ATP5F1A: variants seen among roughly 807,000 people sequenced by gnomAD.
ATP5F1A encodes the protein ATP synthase F(1) complex subunit alpha, mitochondrial.
Under a neutral mutation model 57.4 loss-of-function variants are expected in ATP5F1A, and 24 were observed. The ratio of observed to expected loss-of-function variants is 0.42; its 90% CI spans 0.30 to 0.59. The LOEUF is 0.59. Among genes scored for constraint, ATP5F1A ranks in the 20% least tolerant of loss-of-function variants. The pLI, the probability that ATP5F1A is intolerant of heterozygous loss-of-function variation, is 0.19. For synonymous variants in ATP5F1A, 251 were observed against 255.5 expected (o/e 0.98, Z 0.17); for missense variants, 494 against 707.9 (o/e 0.70, Z 3.43).
upstream of ATP5F1A, among the ~76,000 whole-genome samples, chr18:46,100,119 C>T (rs1188388599): frequency 6.6e-6 from 1 of 151,686 alleles, no homozygotes; most frequent in Admixed American, 6.6e-5. Context: ...GGCATGGGGG[C>T]GGGCACCTGT....
Position 46,081,744 on chromosome 18 carries a change from A to T in ATP5F1A, c.*2538T>A, listed in dbSNP as rs1909768111. On this transcript the variant is annotated 3_prime_UTR_variant, in exon 12 of 12. Transcript: ENST00000398752. ...ACTAAAAGTAACTTCCTTATTTCAG[A>T]AAAGGAAAATCAGATCTAGAAGTTA... is the stretch of plus-strand genomic sequence containing the variant. 1 of 151,716 alleles carries T rather than the reference A, an allele frequency of 6.6e-6. No homozygotes were observed. The highest frequency in any genetic ancestry group is 1.5e-5 in the Non-Finnish European group (1 of 67,966). The allele number at this position is 151,716 out of a possible 1,614,324, so 9.4% of individuals were successfully genotyped here.
chr18:46,095,440 G>A (rs1459617756), intron 1 of ATP5F1A, among the ~76,000 whole-genome samples: 2 of 151,644 alleles, frequency 1.3e-5, no homozygotes, highest in Admixed American at 6.6e-5. Context: ...TCAGCCTCCC[G>A]AGTAGCTGGG....
chr18:46,089,583 A>T lies in ATP5F1A; in HGVS notation c.633T>A (p.Ile211=). The part of the protein sequence containing the change: ...PIGRGQRELI[I]GDRQTGKTSI... ...GTCTTTACCCAGTCTGTCGGTCACC[A>T]ATAATCAGTTCACGCTGACCACGAC... Residue 211 remains isoleucine, a synonymous_variant, in exon 5 of 12, where the codon ATT becomes ATA. Coordinates refer to ENST00000398752, the MANE Select transcript of ATP5F1A (RefSeq NM_004046.6). 6.2e-7 allele frequency: 1 copy of T among 1,614,076 alleles called. No homozygotes were observed. The highest frequency in any genetic ancestry group is 8.5e-7 in the Non-Finnish European group (1 of 1,179,952).
upstream of ATP5F1A, chr18:46,099,432 ACTTTT>A (rs545762149): frequency 1.3e-5 from 2 of 151,046 alleles, no homozygotes; most frequent in Admixed American, 1.3e-4. Flanking sequence ...CGTTGCCTTC[ACTTTT>A]CTTTTTTTTT....
intron 1 of ATP5F1A, 55 bp downstream of exon 1, chr18:46,098,117 C>CA (rs1230555374): frequency 1.3e-6 from 2 of 1,559,974 alleles, no homozygotes; most frequent in Admixed American, 3.8e-5. Context: ...GCCGGCGCAC[C>CA]ACCACCCTGC....
chr18:46,088,025 T>C lies in ATP5F1A; in HGVS notation c.799+84A>G, dbSNP rs1422792198. On this transcript the variant is annotated intron_variant, in intron 6 of 11. Transcript: ENST00000398752. ...AGCCCATTAGGAAGTAATTAAAATA[T>C]GCCTTCATTAAGTAGAAGCTATTCT... 8.9e-6 allele frequency: 13 copies of C among 1,461,624 alleles called. No homozygotes were observed. The African/African-American group carries it at 1.0e-4, about 11-fold the overall frequency. The allele number at this position is 1,461,624 out of a possible 1,614,324, so 90.5% of individuals were successfully genotyped here.
At chr18:46,090,685 A>G (rs184076259) in intron 3 of ATP5F1A, among the ~76,000 whole-genome samples, 6 of 152,210 alleles carry the variant, frequency 3.9e-5, no homozygotes, top group Non-Finnish European at 5.9e-5. Context: ...ACTTTAACCT[A>G]CATCTCTGAT....
chr18:46,102,099 G>A (rs1381795105), upstream of ATP5F1A, among the ~76,000 whole-genome samples: 3 of 151,422 alleles, frequency 2.0e-5, no homozygotes, highest in South Asian at 6.3e-4. Flanking sequence ...GCGTGAACCC[G>A]GGAGGCGGAG....
intron 2 of ATP5F1A, chr18:46,093,043 G>A (rs545066382): frequency 1.3e-5 from 2 of 152,220 alleles, no homozygotes; most frequent in African/African-American, 4.8e-5. Flanking sequence ...CAGCTACTTG[G>A]GTGGCTGAGG....
chr18:46,097,969 G>T, intron 1 of ATP5F1A: 1 of 1,403,922 alleles, frequency 7.1e-7, no homozygotes, highest in South Asian at 1.6e-5. Context: ...TTAACTGTCT[G>T]CCCTGTACCA....
chr18:46,082,473 C>G lies in ATP5F1A; in HGVS notation c.*1809G>C, dbSNP rs1261595139. The G allele has an allele frequency of 5.3e-5, 8 of 150,302 alleles. No individual in the cohort carries two copies. Among genetic ancestry groups the G allele is most frequent in the Non-Finnish European group, 8.8e-5 (6 of 67,878 alleles). The allele number at this position is 150,302 out of a possible 1,614,324, so 9.3% of individuals were successfully genotyped here. ...GGCCAAGGCAGGCAGATCACAAGGTCAGGAGTTCGAGACCAGCCTGGCCAA... is the reference window on the plus strand; with the variant it reads ...GGCCAAGGCAGGCAGATCACAAGGTGAGGAGTTCGAGACCAGCCTGGCCAA... On this transcript the variant is annotated 3_prime_UTR_variant, in exon 12 of 12. Transcript: ENST00000398752.
intron 5 of ATP5F1A, 97 bp downstream of exon 5, chr18:46,089,469 A>C (rs1910383450): frequency 1.5e-6 from 2 of 1,378,432 alleles, no homozygotes; most frequent in Non-Finnish European, 2.0e-6. Flanking sequence ...ATTAGATTCT[A>C]ATGTCCCCAT....
At chr18:46,094,347 T>C (rs1009045131) in intron 2 of ATP5F1A, among the ~76,000 whole-genome samples, 3 of 152,096 alleles carry the variant, frequency 2.0e-5, no homozygotes, top group Admixed American at 1.3e-4. Flanking sequence ...TTGCCAAATA[T>C]CTAGTAGCTA....
intron 5 of ATP5F1A, among the ~76,000 whole-genome samples, chr18:46,089,218 A>C (rs2578192): frequency 0.58 from 88,610 of 151,962 alleles, 26,210 homozygotes; most frequent in African/African-American, 0.69. Flanking sequence ...TATACTTTGT[A>C]TCTGTGTCTT....
chr18:46,098,834 G>C (rs1911172377), upstream of ATP5F1A, among the ~76,000 whole-genome samples: 2 of 152,140 alleles, frequency 1.3e-5, no homozygotes, highest in Admixed American at 1.3e-4. Flanking sequence ...ACAAACACCA[G>C]CACCGTTCCA....
At position 46,083,350 on chromosome 18, in the gene ATP5F1A, G is replaced by A. The variant is rs565246576; in HGVS notation, c.*932C>T. On this transcript the variant is annotated 3_prime_UTR_variant, in exon 12 of 12. Transcript: ENST00000398752. The stretch of plus-strand genomic sequence containing the variant: ...AGCTACTCAGGAGGCTGAGGTGGAA[G>A]AATCAATTGAACCCAGGTGGCAGAA... The A allele has an allele frequency of 3.3e-5, 5 of 152,346 alleles. No homozygotes were observed. Among genetic ancestry groups the A allele is most frequent in the African/African-American group, 1.2e-4 (5 of 41,542 alleles). 9.4% of individuals were successfully genotyped at this position (152,346 alleles called of 1,614,324 possible). A position where few individuals can be genotyped will look rare whatever the true frequency, so the allele number is the denominator to read the frequency against.
upstream of ATP5F1A, chr18:46,098,362 A>AACCCCCCCCCCCCC (rs1555696620): frequency 1.2e-5 from 16 of 1,287,054 alleles, no homozygotes; most frequent in Admixed American, 3.4e-5. Flanking sequence ...CCTCGCGTTC[A>AACCCCCCCCCCCCC]CCACCTCTCC....
At chr18:46,095,381 T>C (rs1910866459) in intron 1 of ATP5F1A, among the ~76,000 whole-genome samples, 3 of 152,088 alleles carry the variant, frequency 2.0e-5, no homozygotes, top group Non-Finnish European at 4.4e-5. Context: ...TATTATTGTT[T>C]TTTTGAGACG....
At chr18:46,087,817 T>A in intron 6 of ATP5F1A, 1 of 440,080 alleles carries the variant, frequency 2.3e-6, no homozygotes, top group East Asian at 4.5e-5. Flanking sequence ...GAGGCAGAGG[T>A]TGCAGTGAGC....
Sources: gnomAD v4.1 joint callset for allele counts (sites outside exome capture counted in the v4.1 genomes callset) on GRCh38, gnomAD v4.1.1 for gene constraint, MANE v1.5 for transcripts, NCBI Gene and HGNC (gene_info 2026-07-23, HGNC 2026-07-21) for gene names.